Variants in CHODL observed in about 807,000 individuals in gnomAD.
CHODL encodes transmembrane protein MT75.
A neutral mutation model predicts 34.5 loss-of-function variants in CHODL; 29 were observed. The observed-to-expected ratio is 0.84, with a 90% CI of 0.63 to 1.15. CHODL has a LOEUF of 1.15. Ranked by LOEUF, CHODL falls within the 50% of genes most tolerant of loss-of-function variation. The pLI is 0.00. For missense variants in CHODL, 332 were observed against 332.5 expected, an observed-to-expected ratio of 1.00 and a Z score of 0.01; for synonymous variants, 125 against 116.1, an observed-to-expected ratio of 1.08 and a Z score of -0.49.
chr21:18,062,365 C>T (rs1316031177), intron 2 of CHODL, among the ~76,000 whole-genome samples: 1 of 134,258 alleles, frequency 7.4e-6, no homozygotes, highest in Non-Finnish European at 1.7e-5. Flanking sequence ...CACACCACCA[C>T]AGCCAGCTAA....
rs1342817264 is a variant in CHODL, at chr21:18,120,664, T to C, written c.-45+92693T>C. On this transcript the variant is annotated intron_variant, in intron 2 of 6. Transcript: ENST00000400127. ...AAATATGTGTCTCTATGTCTATCTA[T>C]ACATATACACATATTTAAATGTTTT... Among the ~76,000 whole-genome samples the C allele has an allele frequency of 3.3e-5, 5 of 152,332 alleles. No individual in the cohort carries two copies. The East Asian group carries it at 9.6e-4, about 29-fold the overall frequency.
chr21:17,968,605 T>C (rs62213020), intron 1 of CHODL, among the ~76,000 whole-genome samples: 21 of 152,210 alleles, frequency 1.4e-4, no homozygotes, highest in African/African-American at 5.1e-4. Context: ...ACAAACCTGA[T>C]GAAGGAAAAT....
chr21:18,221,608 G>A (rs776029393), intron 2 of CHODL, among the ~76,000 whole-genome samples: 40 of 152,174 alleles, frequency 2.6e-4, no homozygotes, highest in Non-Finnish European at 4.6e-4. Context: ...AGGTACCATA[G>A]TATAGTCTTA....
At position 18,223,152 on chromosome 21, in the gene CHODL, G is replaced by A. The variant is rs544796460; in HGVS notation, c.-44-33357G>A. Among the ~76,000 whole-genome samples, 3 of 152,220 alleles carry A rather than the reference G, an allele frequency of 2.0e-5. 1 individual carries two copies. Among genetic ancestry groups the A allele is most frequent in the East Asian group, 3.9e-4 (2 of 5,182 alleles). ...GGAAAAACTGATCAGAAATTATGGA[G>A]TGGTAATCAGTAAAAGTCATGGAAA... On this transcript the variant is annotated intron_variant, in intron 2 of 6. Coordinates refer to the CHODL transcript ENST00000400127.
rs142064653 is a variant in CHODL at position 18,075,437 on chromosome 21, C to T, written c.-45+47466C>T. ...TGTTTACCATACAATTCCCTGTGAC[C>T]GTAATTGAAACTATAAAGTCAGACA... is the stretch of plus-strand genomic sequence containing the variant. On this transcript the variant is annotated intron_variant, in intron 2 of 6. Transcript: ENST00000400127. 3.2e-4 allele frequency among the ~76,000 whole-genome samples: 48 copies of T among 152,224 alleles called. No homozygotes were observed. In the East Asian group the frequency reaches 6.8e-3, roughly 21 times the overall value.
chr21:17,946,459 C>A (rs1044099009), intron 1 of CHODL, among the ~76,000 whole-genome samples: 15 of 152,150 alleles, frequency 9.9e-5, no homozygotes, highest in Admixed American at 9.2e-4. Flanking sequence ...ATTGCCAGAT[C>A]TGACTTACAA....
In CHODL at chr21:17,956,152, G is replaced by A. The variant is rs559099979; in HGVS notation, c.-145+38752G>A. On this transcript the variant is annotated intron_variant, in intron 1 of 6. Coordinates refer to the CHODL transcript ENST00000400127. ...CCAGTGTTGGAGATGGGGCCCAGTG[G>A]GAGGTGTTGGAATCACGGGGGTGGG... Among the ~76,000 whole-genome samples, 5 of 136,258 alleles carry A rather than the reference G, an allele frequency of 3.7e-5. 2 individuals are homozygous for A. Among genetic ancestry groups the A allele is most frequent in the Non-Finnish European group, 6.7e-5 (4 of 59,948 alleles). 89.4% of individuals were successfully genotyped at this position (136,258 alleles called of 152,430 possible). A position where few individuals can be genotyped will look rare whatever the true frequency, so the allele number is the denominator to read the frequency against.
At chr21:18,209,335 C>T (rs1471713120) in intron 2 of CHODL, among the ~76,000 whole-genome samples, 1 of 152,144 alleles carries the variant, frequency 6.6e-6, no homozygotes, top group Non-Finnish European at 1.5e-5. Context: ...TACTTCCTGG[C>T]TACAGCTGAT....
At chr21:18,113,300 TTGG>T (rs200986861) in intron 2 of CHODL, among the ~76,000 whole-genome samples, 3 of 151,330 alleles carry the variant, frequency 2.0e-5, no homozygotes, top group Admixed American at 2.0e-4. Flanking sequence ...TTGCACACTG[TTGG>T]TGGGAATGTA....
At chr21:18,085,721 C>T (rs928126565) in intron 2 of CHODL, among the ~76,000 whole-genome samples, 5 of 152,172 alleles carry the variant, frequency 3.3e-5, no homozygotes, top group African/African-American at 1.2e-4. Flanking sequence ...AAAAAGTCCA[C>T]TGTTAGTCTG....
chr21:18,254,856 A>G (rs1335722393), intron 1 of CHODL, among the ~76,000 whole-genome samples: 1 of 152,114 alleles, frequency 6.6e-6, no homozygotes, highest in Non-Finnish European at 1.5e-5. Context: ...GAGGTATGCG[A>G]AATTTAATTT....
At chr21:18,128,696 A>G (rs1439091240) in intron 2 of CHODL, among the ~76,000 whole-genome samples, 1 of 152,160 alleles carries the variant, frequency 6.6e-6, no homozygotes, top group African/African-American at 2.4e-5. Flanking sequence ...AGGAGAAGGA[A>G]TAGAGAGTAA....
At position 18,235,743 on chromosome 21, in the gene CHODL, A is replaced by C. The variant is rs537421011; in HGVS notation, c.-44-20766A>C. Among the ~76,000 whole-genome samples the C allele has an allele frequency of 2.6e-5, 4 of 152,284 alleles. No homozygotes were observed. In the South Asian group the frequency reaches 8.3e-4, roughly 32 times the overall value. On this transcript the variant is annotated intron_variant, in intron 2 of 6. Coordinates refer to the CHODL transcript ENST00000400127. Reference sequence around the variant, plus strand: ...TTATTGAAAATAGCATTTGGTTGCTATGACAACCTGGAACAGCAATTGGAA... The same window carrying C: ...TTATTGAAAATAGCATTTGGTTGCTCTGACAACCTGGAACAGCAATTGGAA...
chr21:17,938,547 C>T (rs1355025447), intron 1 of CHODL, among the ~76,000 whole-genome samples: 2 of 133,484 alleles, frequency 1.5e-5, no homozygotes, highest in African/African-American at 2.9e-5. Flanking sequence ...GGCTCGATCT[C>T]GGCTCACTGC....
intron 2 of CHODL, among the ~76,000 whole-genome samples, chr21:18,203,473 A>C (rs10432900): frequency 0.59 from 89,961 of 151,922 alleles, 28,527 homozygotes; most frequent in East Asian, 0.92. Flanking sequence ...AAACATTATT[A>C]ATTTATAATT....
At chr21:18,210,565 G>T (rs2073761537) in intron 2 of CHODL, among the ~76,000 whole-genome samples, 2 of 152,102 alleles carry the variant, frequency 1.3e-5, no homozygotes, top group African/African-American at 2.4e-5. Context: ...CAATTATCTT[G>T]CTCTGCCTGC....
At chr21:18,243,166 T>A (rs1019786872), upstream of CHODL, among the ~76,000 whole-genome samples, 12 of 152,236 alleles carry the variant, frequency 7.9e-5, no homozygotes. Context: ...ATGCTAGCCA[T>A]GACACTTGAT....
chr21:17,972,813 A>T (rs1002698893), intron 1 of CHODL, among the ~76,000 whole-genome samples: 1 of 152,222 alleles, frequency 6.6e-6, no homozygotes, highest in Non-Finnish European at 1.5e-5. Flanking sequence ...ATATGGAACC[A>T]AAAAAGAGCC....
chr21:17,950,219 C>G (rs1280645701), intron 1 of CHODL, among the ~76,000 whole-genome samples: 1 of 151,474 alleles, frequency 6.6e-6, no homozygotes, highest in Admixed American at 6.6e-5. Flanking sequence ...AAGAAAAACC[C>G]AAGGAAAAGC....
Sources: gnomAD v4.1 joint callset for allele counts (sites outside exome capture counted in the v4.1 genomes callset) on GRCh38, gnomAD v4.1.1 for gene constraint, MANE v1.5 for transcripts, NCBI Gene and HGNC (gene_info 2026-07-23, HGNC 2026-07-21) for gene names.